The following SST variants were observed in gnomAD, a reference collection of about 807,000 sequenced individuals.
SST encodes growth hormone release-inhibiting factor.
SST carries 7 observed loss-of-function variants against 10.4 expected under a neutral mutation model. The observed-to-expected ratio is 0.67, with a 90% CI of 0.38 to 1.26. The LOEUF (loss-of-function observed/expected upper bound fraction) is 1.26, where lower values mean the gene tolerates loss of function less well. SST is among the 50% of genes most tolerant of loss of function. The pLI, the probability that SST is intolerant of heterozygous loss-of-function variation, is 0.02. For missense variants in SST, 145 were observed against 140.8 expected, an observed-to-expected ratio of 1.03 and a Z score of -0.15; for synonymous variants, 63 against 63.9, an observed-to-expected ratio of 0.99 and a Z score of 0.07.
At chr3:187,670,130 G>A (rs1329669362) in intron 1 of SST, 24 bp downstream of exon 1, 4 of 1,572,670 alleles carry the variant, frequency 2.5e-6, no homozygotes, top group Non-Finnish European at 3.5e-6. Flanking sequence ...GAGAATCCGG[G>A]AGACGTCGAG....
At position 187,669,039 on chromosome 3, in the gene SST, G is replaced by C; in HGVS notation, c.*26C>G. 2 of 1,611,392 alleles carry C rather than the reference G, an allele frequency of 1.2e-6. No homozygotes were observed. Among genetic ancestry groups the C allele is most frequent in the Non-Finnish European group, 1.7e-6 (2 of 1,177,610 alleles). The stretch of plus-strand genomic sequence containing the variant: ...TGTGGGGGCGAGGGATCAGAGGTCT[G>C]ATATGGACAATACTAGTTAAGAAAG... On this transcript the variant is annotated 3_prime_UTR_variant, in exon 2 of 2. Coordinates refer to ENST00000287641, the MANE Select transcript of SST (RefSeq NM_001048.4).
In SST at chr3:187,669,018, G is replaced by A. The variant is rs542785367; in HGVS notation, c.*47C>T. ...GATTAGGGAAGAGAGATGGGGTGTG[G>A]GGGCGAGGGATCAGAGGTCTGATAT... On this transcript the variant is annotated 3_prime_UTR_variant, in exon 2 of 2. Coordinates refer to ENST00000287641, the MANE Select transcript of SST (RefSeq NM_001048.4). The A allele has an allele frequency of 4.4e-6, 7 of 1,574,498 alleles. No homozygotes were observed. Among genetic ancestry groups the A allele is most frequent in the Non-Finnish European group, 5.2e-6 (6 of 1,144,522 alleles).
At chr3:187,669,559 AACACACAC>A (rs58680547) in intron 1 of SST, among the ~76,000 whole-genome samples, 122 of 145,296 alleles carry the variant, frequency 8.4e-4, no homozygotes, top group East Asian at 4.1e-3. Context: ...CACACGCACA[AACACACAC>A]ACACACACAC....
At position 187,668,978 on chromosome 3, in the gene SST, G is replaced by A. The variant is rs755710083; in HGVS notation, c.*87C>T. 45 of 1,228,474 alleles carry A rather than the reference G, an allele frequency of 3.7e-5. No homozygotes were observed. The highest frequency in any genetic ancestry group is 2.0e-4 in the Middle Eastern group (1 of 4,992). 76.1% of individuals were successfully genotyped at this position (1,228,474 alleles called of 1,614,324 possible). On this transcript the variant is annotated 3_prime_UTR_variant, in exon 2 of 2. Transcript: ENST00000287641. ...TTTCAGTTTCTAATGCAAGGGTCTCGCTGAAGACTTGGAGGATTAGGGAAG... is the reference window on the plus strand; with the variant it reads ...TTTCAGTTTCTAATGCAAGGGTCTCACTGAAGACTTGGAGGATTAGGGAAG...
chr3:187,669,207 G>T lies in SST; in HGVS notation c.209C>A (p.Pro70His), dbSNP rs749502183. Reference protein sequence around the residue: ...PNQTENDALEPEDLSQAAEQD... With the variant: ...PNQTENDALEHEDLSQAAEQD... Reference sequence around the variant, plus strand: ...CTCAGCAGCCTGGGACAGATCTTCAGGTTCCAGGGCATCATTCTCCGTCTG... The same window carrying T: ...CTCAGCAGCCTGGGACAGATCTTCATGTTCCAGGGCATCATTCTCCGTCTG... The change falls in exon 2 of 2, where the codon CCT becomes CAT. Residue 70 changes from proline (P) to histidine (H), a missense_variant. Coordinates refer to ENST00000287641, the MANE Select transcript of SST (RefSeq NM_001048.4). 3.9e-5 allele frequency: 63 copies of T among 1,613,884 alleles called. No homozygotes were observed. In the Admixed American group the frequency reaches 9.3e-4, roughly 24 times the overall value.
rs202022290 is a variant in SST at position 187,670,298 on chromosome 3, G to A, written c.-7C>T. On this transcript the variant is annotated 5_prime_UTR_variant, in exon 1 of 2. Transcript: ENST00000287641. ...GGAGGCGGCAGGACAGCATCTCGGC[G>A]CCGCGAAAGCCGAGCTGGAGAGTGG... 2.0e-5 allele frequency: 31 copies of A among 1,572,724 alleles called. No individual in the cohort carries two copies. The East Asian group carries it at 6.7e-4, about 34-fold the overall frequency.
intron 1 of SST, 22 bp from the exon 2 acceptor site, chr3:187,669,299 G>GA: frequency 6.2e-7 from 1 of 1,605,960 alleles, no homozygotes; most frequent in South Asian, 1.1e-5. Context: ...AGAAGGGATA[G>GA]AAAAAGAGAG....
rs555984029 is a variant in SST at position 187,669,333 on chromosome 3, G to A, written c.139-56C>T. ...AGAAAGAGAAGTGGGGAGGACAATG[G>A]AAAAAATTTGAAAAGCCTAAATTAA... On this transcript the variant is annotated intron_variant, in intron 1 of 1. Coordinates refer to ENST00000287641, the MANE Select transcript of SST (RefSeq NM_001048.4). 1.5e-5 allele frequency: 22 copies of A among 1,515,766 alleles called. No homozygotes were observed. In the South Asian group the frequency reaches 2.4e-4, roughly 17 times the overall value. The allele number at this position is 1,515,766 out of a possible 1,614,324, so 93.9% of individuals were successfully genotyped here.
chr3:187,669,398 C>T, intron 1 of SST, 121 bp from the exon 2 acceptor site: 3 of 892,220 alleles, frequency 3.4e-6, no homozygotes, highest in Non-Finnish European at 5.2e-6. Context: ...GTTTTTACAG[C>T]TGCGCATTTT....
chr3:187,669,125 T>C lies in SST; in HGVS notation c.291A>G (p.Ala97=). 1 of 1,613,686 alleles carries C rather than the reference T, an allele frequency of 6.2e-7. No homozygotes were observed. The highest frequency in any genetic ancestry group is 8.5e-7 in the Non-Finnish European group (1 of 1,179,932). The stretch of plus-strand genomic sequence containing the variant: ...TGCAGCCAGCTTTGCGTTCTCGGGG[T>C]GCCATAGCCGGGTTTGAGTTAGCAG... ...QRSANSNPAM[A]PRERKAGCKN... Residue 97 remains alanine (A), a synonymous_variant, in exon 2 of 2, where the codon GCA becomes GCG. Coordinates refer to ENST00000287641, the MANE Select transcript of SST (RefSeq NM_001048.4).
intron 1 of SST, among the ~76,000 whole-genome samples, chr3:187,669,529 AACACACAC>A (rs57361717): frequency 1.4e-5 from 2 of 147,248 alleles, no homozygotes; most frequent in Admixed American, 6.8e-5. Flanking sequence ...CTGTAGACTT[AACACACAC>A]ACACACACAC....
Position 187,670,318 on chromosome 3 carries a change from G to A in SST, c.-27C>T. ...TCGGCGCCGCGAAAGCCGAGCTGGA[G>A]AGTGGCTGGTCAAACTCTAGGCGCG... On this transcript the variant is annotated 5_prime_UTR_variant, in exon 1 of 2. Coordinates refer to ENST00000287641, the MANE Select transcript of SST (RefSeq NM_001048.4). 5.8e-6 allele frequency: 9 copies of A among 1,558,554 alleles called. No homozygotes were observed. Among genetic ancestry groups the A allele is most frequent in the Non-Finnish European group, 6.9e-6 (8 of 1,151,154 alleles).
intron 1 of SST, among the ~76,000 whole-genome samples, 183 bp from the exon 2 acceptor site, chr3:187,669,460 A>G (rs1318476192): frequency 6.6e-6 from 1 of 152,072 alleles, no homozygotes; most frequent in African/African-American, 2.4e-5. Context: ...AGTTGCTATA[A>G]TTACCAAGTT....
Position 187,670,078 on chromosome 3 carries a change from C to T in SST, c.138+76G>A, listed in dbSNP as rs1717200718. The T allele has an allele frequency of 2.0e-6, 3 of 1,475,604 alleles. No homozygotes were observed. The Admixed American group carries it at 6.6e-5, about 32-fold the overall frequency. 91.4% of individuals were successfully genotyped at this position (1,475,604 alleles called of 1,614,324 possible). Reference sequence around the variant, plus strand: ...CTTTAGAAGGACTGAGCATCCCTTACGTCCAAACCAATGGGGCAGGAGCAA... The same window carrying T: ...CTTTAGAAGGACTGAGCATCCCTTATGTCCAAACCAATGGGGCAGGAGCAA... On this transcript the variant is annotated intron_variant, in intron 1 of 1. Transcript: ENST00000287641.
Position 187,670,256 on chromosome 3 carries a change from C to T in SST, c.36G>A (p.Ala12=). ...LSCRLQCALA[A]LSIVLALGCV... The stretch of plus-strand genomic sequence containing the variant: ...AGCCCAGGGCCAGGACGATGGACAG[C>T]GCAGCCAGCGCGCACTGGAGGCGGC... Residue 12 remains alanine, a synonymous_variant, in exon 1 of 2, where the codon GCG becomes GCA. Transcript: ENST00000287641. 6.3e-7 allele frequency: 1 copy of T among 1,592,810 alleles called. No individual in the cohort carries two copies. Among genetic ancestry groups the T allele is most frequent in the Non-Finnish European group, 8.5e-7 (1 of 1,169,732 alleles).
chr3:187,670,244 G>T lies in SST; in HGVS notation c.48C>A (p.Val16=). Residue 16 remains valine, a synonymous_variant, in exon 1 of 2, where the codon GTC becomes GTA. Coordinates refer to ENST00000287641, the MANE Select transcript of SST (RefSeq NM_001048.4). ...LQCALAALSI[V]LALGCVTGAP... ...CGCCGGTGACACAGCCCAGGGCCAG[G>T]ACGATGGACAGCGCAGCCAGCGCGC... 6.3e-7 allele frequency: 1 copy of T among 1,595,612 alleles called. No individual in the cohort carries two copies. Among genetic ancestry groups the T allele is most frequent in the African/African-American group, 1.3e-5 (1 of 74,750 alleles).
intron 1 of SST, 98 bp downstream of exon 1, chr3:187,670,056 T>C: frequency 1.8e-5 from 24 of 1,348,962 alleles, no homozygotes; most frequent in Non-Finnish European, 2.3e-5. Context: ...CAAAACTCTT[T>C]AGAAGGACTG....
chr3:187,669,934 C>A (rs549649806), intron 1 of SST, among the ~76,000 whole-genome samples: 1 of 152,292 alleles, frequency 6.6e-6, no homozygotes, highest in African/African-American at 2.4e-5. Flanking sequence ...AAGAACTCAC[C>A]TGAACTGTGA....
rs756654385 is a variant in SST, at chr3:187,670,304, A to G, written c.-13T>C. On this transcript the variant is annotated 5_prime_UTR_variant, in exon 1 of 2. Coordinates refer to ENST00000287641, the MANE Select transcript of SST (RefSeq NM_001048.4). ...GGCAGGACAGCATCTCGGCGCCGCG[A>G]AAGCCGAGCTGGAGAGTGGCTGGTC... is the stretch of plus-strand genomic sequence containing the variant. 6.4e-6 allele frequency: 10 copies of G among 1,571,458 alleles called. No homozygotes were observed. In the South Asian group the frequency reaches 1.2e-4, roughly 18 times the overall value.
Sources: allele counts gnomAD v4.1 joint callset (sites outside exome capture counted in the v4.1 genomes callset), GRCh38; gene constraint gnomAD v4.1.1; transcripts MANE v1.5; gene names NCBI Gene and HGNC (gene_info 2026-07-23, HGNC 2026-07-21).